SYN3: variants seen among roughly 807,000 people sequenced by gnomAD.
SYN3 encodes synapsin III, also known as synapsin-3.
Under a neutral mutation model 65.8 loss-of-function variants are expected in SYN3, and 35 were observed. The observed-to-expected ratio is 0.53, with a 90% CI of 0.41 to 0.70. The LOEUF is 0.70. SYN3 is among the 30% of genes least tolerant of loss of function. The pLI is 0.00. For synonymous variants in SYN3, 270 were observed against 292.9 expected (o/e 0.92, Z 0.80); for missense variants, 680 against 749.0 (o/e 0.91, Z 1.08).
intron 7 of SYN3, among the ~76,000 whole-genome samples, chr22:32,576,816 C>A (rs901047671): frequency 2.0e-5 from 3 of 151,260 alleles, no homozygotes; most frequent in Non-Finnish European, 4.4e-5. Flanking sequence ...CCAACCCCCA[C>A]CCCTCTCTTC....
chr22:32,538,583 C>T (rs135474), intron 8 of SYN3, among the ~76,000 whole-genome samples: 97,949 of 151,954 alleles, frequency 0.64, 31,702 homozygotes, highest in East Asian at 0.9. Flanking sequence ...TTTCCTTGCC[C>T]TTTCTGCTCC....
intron 6 of SYN3, among the ~76,000 whole-genome samples, chr22:32,852,479 T>C (rs1302734883): frequency 6.6e-6 from 1 of 152,170 alleles, no homozygotes; most frequent in East Asian, 1.9e-4. Context: ...GAGGCAAGCC[T>C]GCATGAGTTT....
chr22:33,016,955 T>C (rs1454286556), intron 1 of SYN3, among the ~76,000 whole-genome samples: 5 of 152,244 alleles, frequency 3.3e-5, no homozygotes, highest in Admixed American at 1.3e-4. Context: ...TTGGAGACAC[T>C]TGGACAATGT....
intron 6 of SYN3, among the ~76,000 whole-genome samples, chr22:32,797,525 T>A (rs939820932): frequency 6.6e-6 from 1 of 151,958 alleles, no homozygotes; most frequent in South Asian, 2.1e-4. Context: ...ACCAAAAAAA[T>A]GGTGATAAAA....
chr22:32,969,807 T>A (rs1435259906), intron 3 of SYN3, among the ~76,000 whole-genome samples: 1 of 152,322 alleles, frequency 6.6e-6, no homozygotes, highest in Non-Finnish European at 1.5e-5. Flanking sequence ...AAACATTCAT[T>A]GCATTTTTTC....
chr22:32,517,641 A>G (rs2057800084), intron 13 of SYN3, among the ~76,000 whole-genome samples: 2 of 152,340 alleles, frequency 1.3e-5, no homozygotes, highest in South Asian at 4.1e-4. Flanking sequence ...CTAACTGGGT[A>G]TCCTATGTTT....
chr22:32,608,883 C>T (rs1027796166), intron 6 of SYN3, among the ~76,000 whole-genome samples: 14 of 152,150 alleles, frequency 9.2e-5, no homozygotes, highest in Admixed American at 7.2e-4. Flanking sequence ...TAAACTGATA[C>T]GCAGTTAAAA....
chr22:32,535,342 G>A (rs1422066097), intron 9 of SYN3, among the ~76,000 whole-genome samples: 1 of 152,196 alleles, frequency 6.6e-6, no homozygotes, highest in Non-Finnish European at 1.5e-5. Flanking sequence ...GATTCTGGTT[G>A]TACATCAGAA....
chr22:32,563,941 T>A (rs1383468636), intron 7 of SYN3, among the ~76,000 whole-genome samples: 1 of 152,100 alleles, frequency 6.6e-6, no homozygotes, highest in Non-Finnish European at 1.5e-5. Flanking sequence ...AGTGCTGGGA[T>A]TACAGGCATG....
chr22:32,565,362 A>G (rs770029445), intron 7 of SYN3, among the ~76,000 whole-genome samples: 2 of 152,202 alleles, frequency 1.3e-5, no homozygotes, highest in East Asian at 1.9e-4. Flanking sequence ...CAAGTTTTCT[A>G]TTAGCCACAT....
At chr22:32,953,268 T>C (rs753832120) in intron 3 of SYN3, among the ~76,000 whole-genome samples, 6 of 152,130 alleles carry the variant, frequency 3.9e-5, no homozygotes, top group Admixed American at 2.6e-4. Flanking sequence ...AGGACATTCT[T>C]ATTGAGCAGC....
chr22:32,556,845 G>A, intron 7 of SYN3, among the ~76,000 whole-genome samples: 1 of 115,402 alleles, frequency 8.7e-6, no homozygotes, highest in South Asian at 2.8e-4. Flanking sequence ...TGTGTGTAGA[G>A]ATGGGGTCTT....
At chr22:32,657,066 C>T (rs1250115757) in intron 6 of SYN3, among the ~76,000 whole-genome samples, 2 of 152,168 alleles carry the variant, frequency 1.3e-5, no homozygotes, top group Admixed American at 6.5e-5. Context: ...ACCTACTCAG[C>T]ATCAGTCTCA....
intron 7 of SYN3, among the ~76,000 whole-genome samples, chr22:32,545,155 C>G (rs939380849): frequency 1.3e-5 from 2 of 152,156 alleles, no homozygotes; most frequent in African/African-American, 4.8e-5. Context: ...CCATCTTTGA[C>G]AGTGTAGCTG....
chr22:32,594,395 A>G (rs1369753706), intron 7 of SYN3, among the ~76,000 whole-genome samples: 1 of 152,138 alleles, frequency 6.6e-6, no homozygotes, highest in East Asian at 1.9e-4. Context: ...AAACCAAGAG[A>G]AGTTAGATGG....
chr22:32,796,566 A>C (rs1004883353), intron 6 of SYN3, among the ~76,000 whole-genome samples: 1 of 152,150 alleles, frequency 6.6e-6, no homozygotes, highest in Non-Finnish European at 1.5e-5. Context: ...CTCGCATCTT[A>C]GGCTCAGAAT....
At chr22:32,869,330 T>TTCTCTCTCTCTTCTCTCTC in intron 4 of SYN3, among the ~76,000 whole-genome samples, 1 of 120,932 alleles carries the variant, frequency 8.3e-6, no homozygotes, top group South Asian at 3.3e-4. Flanking sequence ...ACTATATATA[T>TTCTCTCTCTCTTCTCTCTC]TCTCTCTCTC....
chr22:32,886,873 T>C (rs1372030136), intron 4 of SYN3, among the ~76,000 whole-genome samples: 1 of 152,242 alleles, frequency 6.6e-6, no homozygotes, highest in Non-Finnish European at 1.5e-5. Context: ...AAGTATGGAC[T>C]GGAAGGCAGC....
chr22:32,725,218 C>T (rs1198900626), intron 6 of SYN3, among the ~76,000 whole-genome samples: 3 of 152,174 alleles, frequency 2.0e-5, no homozygotes, highest in Non-Finnish European at 2.9e-5. Flanking sequence ...CTTTCCACCA[C>T]AGCAGGTTTT....
Sources: allele counts gnomAD v4.1 joint callset (sites outside exome capture counted in the v4.1 genomes callset), GRCh38; gene constraint gnomAD v4.1.1; transcripts MANE v1.5; gene names NCBI Gene and HGNC (gene_info 2026-07-23, HGNC 2026-07-21).